The following WDR45 variants were observed in gnomAD, a reference collection of about 807,000 sequenced individuals.
WDR45 encodes WD repeat domain phosphoinositide-interacting protein 4.
WDR45 carries 2 observed loss-of-function variants against 27.3 expected under a neutral mutation model. The observed-to-expected ratio is 0.07, with a 90% confidence interval of 0.03 to 0.23. The LOEUF (loss-of-function observed/expected upper bound fraction) is 0.23, where lower values mean the gene tolerates loss of function less well. Among genes scored for constraint, WDR45 ranks in the 10% least tolerant of loss-of-function variants. WDR45 has a pLI of 1.00. For synonymous variants in WDR45, 99 were observed against 119.2 expected, an observed-to-expected ratio of 0.83 and a Z score of 1.11; for missense variants, 175 against 311.9, an observed-to-expected ratio of 0.56 and a Z score of 3.31.
chrX:49,092,875 A>G (rs1405710747), intron 2 of WDR45, among the ~76,000 whole-genome samples: 11 of 112,169 alleles, frequency 9.8e-5, no homozygotes, highest in Non-Finnish European at 1.3e-4. Flanking sequence ...CAGTTTGGGA[A>G]CTGCAATCCT....
exon 2 of WDR45, chrX:49,100,502 C>T (rs188988516): frequency 1.9e-3 from 218 of 113,504 alleles, no homozygotes; most frequent in African/African-American, 5.5e-3. Flanking sequence ...TCCCAAAGTG[C>T]TGGGATTACA....
rs924510123 is a variant in WDR45, at chrX:49,075,155, C to T, written c.954G>A (p.Lys318=). The T allele has an allele frequency of 4.1e-6, 5 of 1,210,937 alleles. No homozygotes were observed. In the African/African-American group the frequency reaches 6.9e-5, roughly 17 times the overall value. ...CICAFGRNTS[K]NVNSVIAICV... ...ACTCACCAATGACAGAGTTGACGTT[C>T]TTGGAAGTATTGCGACCGAAGGCGC... The change falls in exon 10 of 11, where the codon AAG becomes AAA. Residue 318 remains lysine, a synonymous_variant. Transcript: ENST00000376372.
chrX:49,076,798 G>C (rs782794242), intron 4 of WDR45, 48 bp from the exon 5 acceptor site: 46 of 1,062,604 alleles, frequency 4.3e-5, no homozygotes, highest in Non-Finnish European at 5.5e-5. Context: ...TAGGGTAAGG[G>C]GCAGCCCTGG....
chrX:49,076,250 C>T (rs2065036590), intron 6 of WDR45, 180 bp downstream of exon 6: 6 of 548,762 alleles, frequency 1.1e-5, no homozygotes, highest in South Asian at 3.1e-5. Context: ...GGGGCAGGTC[C>T]GGAGGTGGGG....
intron 2 of WDR45, among the ~76,000 whole-genome samples, chrX:49,085,640 G>A (rs950705966): frequency 1.8e-5 from 2 of 112,810 alleles, no homozygotes; most frequent in Admixed American, 1.9e-4. Flanking sequence ...TTTGGGAGGC[G>A]GAAGGTGAGC....
rs2065038672 is a variant in WDR45 at position 49,076,529 on chromosome X, G to A, written c.342-5C>T. The A allele has an allele frequency of 8.3e-7, 1 of 1,210,092 alleles. No homozygotes were observed. The highest frequency in any genetic ancestry group is 1.7e-5 in the African/African-American group (1 of 57,411). The stretch of plus-strand genomic sequence containing the variant: ...TTCTTCAGCACGATCACGATCCTGT[G>A]GGTATCACACAACACAGGATGGCCG... On this transcript the variant is annotated splice_region_variant and splice_polypyrimidine_tract_variant and intron_variant, in intron 5 of 10. Transcript: ENST00000376372.
At chrX:49,084,053 C>CTTT (rs1173932347), upstream of WDR45, among the ~76,000 whole-genome samples, 1 of 74,902 alleles carries the variant, frequency 1.3e-5, no homozygotes, top group African/African-American at 4.8e-5. Context: ...TTTCTTTTTT[C>CTTT]TTTTTTTTTT....
At chrX:49,076,342 A>C in intron 6 of WDR45, 88 bp downstream of exon 6, 1 of 949,939 alleles carries the variant, frequency 1.1e-6, no homozygotes, top group Non-Finnish European at 1.5e-6. Context: ...TCTGTGTGTG[A>C]GTGCCCCTTC....
upstream of WDR45, among the ~76,000 whole-genome samples, chrX:49,084,057 T>C (rs2065078450): frequency 1.0e-5 from 1 of 100,061 alleles, no homozygotes; most frequent in Admixed American, 1.1e-4. Context: ...TTTTTTCTTT[T>C]TTTTTTTTTT....
chrX:49,074,903 A>T lies in WDR45; in HGVS notation c.983T>A (p.Val328Glu). The change falls in exon 11 of 11, where the codon GTA becomes GAA. Residue 328 changes from valine (V) to glutamate (E), a missense_variant. Around this residue, in one of 3 missense-constraint regions of WDR45, gnomAD observed 71 missense variants for 123.0 expected, o/e 0.58. Transcript: ENST00000376372. ...KNVNSVIAIC[V>E]DGTFHKYVFT... The stretch of plus-strand genomic sequence containing the variant: ...GACATATTTGTGGAAGGTCCCATCT[A>T]CGCAGATGGCTGGGGGAGGGGGGGT... 1 of 1,200,380 alleles carries T rather than the reference A, an allele frequency of 8.3e-7. No individual in the cohort carries two copies. The highest frequency in any genetic ancestry group is 1.1e-6 in the Non-Finnish European group (1 of 885,070).
At chrX:49,081,020 C>A (rs1453163985), upstream of WDR45, among the ~76,000 whole-genome samples, 4 of 105,135 alleles carry the variant, frequency 3.8e-5, no homozygotes, top group East Asian at 1.2e-3. Context: ...GCCTCAGCCT[C>A]CCCAGCCTCC....
At chrX:49,085,557 CCAAA>C (rs1352083932) in intron 2 of WDR45, among the ~76,000 whole-genome samples, 1 of 112,705 alleles carries the variant, frequency 8.9e-6, no homozygotes, top group Non-Finnish European at 1.9e-5. Context: ...TGTCTGTTAT[CCAAA>C]CAAAGATTAC....
At chrX:49,090,986 A>G (rs2065102857) in intron 2 of WDR45, among the ~76,000 whole-genome samples, 1 of 111,221 alleles carries the variant, frequency 9.0e-6, no homozygotes, top group South Asian at 3.8e-4. Context: ...ATGCCCAGCT[A>G]ACTTTTTTTT....
chrX:49,075,025 C>G, intron 10 of WDR45, 111 bp downstream of exon 10: 1 of 1,146,039 alleles, frequency 8.7e-7, no homozygotes, highest in Non-Finnish European at 1.2e-6. Flanking sequence ...AGTGCTGTCC[C>G]CCTTACTGAT....
intron 10 of WDR45, 92 bp from the exon 11 acceptor site, chrX:49,075,004 G>A: frequency 1.8e-6 from 2 of 1,132,259 alleles, no homozygotes; most frequent in South Asian, 1.9e-5. Context: ...TCTGCCTCCA[G>A]GCCTTTGCCC....
intron 2 of WDR45, among the ~76,000 whole-genome samples, chrX:49,086,970 G>A (rs1395145967): frequency 9.0e-6 from 1 of 111,229 alleles, no homozygotes; most frequent in South Asian, 3.7e-4. Flanking sequence ...ACAGGCATAA[G>A]CCACCGCTCC....
chrX:49,089,236 C>A (rs1237997148), intron 2 of WDR45, among the ~76,000 whole-genome samples: 1 of 111,245 alleles, frequency 9.0e-6, no homozygotes, highest in Non-Finnish European at 1.9e-5. Context: ...TGCAGTGAGG[C>A]AAGATCATGC....
chrX:49,090,108 G>A (rs1336125245), intron 2 of WDR45, among the ~76,000 whole-genome samples: 1 of 110,588 alleles, frequency 9.0e-6, no homozygotes, highest in Non-Finnish European at 1.9e-5. Context: ...ACTCTGTCCA[G>A]CCTGGAGTGC....
chrX:49,083,713 C>T (rs990783813), upstream of WDR45, among the ~76,000 whole-genome samples: 4 of 109,557 alleles, frequency 3.7e-5, no homozygotes, highest in Non-Finnish European at 5.7e-5. Context: ...TTTGGGAGGG[C>T]GAGGTGGGCG....
Sources: gnomAD v4.1 joint callset for allele counts (sites outside exome capture counted in the v4.1 genomes callset) on GRCh38, gnomAD v4.1.1 for gene constraint, gnomAD v4.1.1 regional missense constraint, MANE v1.5 for transcripts, NCBI Gene and HGNC (gene_info 2026-07-23, HGNC 2026-07-21) for gene names.